Variants in CRNKL1 observed in about 807,000 individuals in gnomAD.
CRNKL1 encodes crooked neck-like protein 1.
CRNKL1 carries 35 observed loss-of-function variants against 103.7 expected under a neutral mutation model. The ratio of observed to expected loss-of-function variants is 0.34; its 90% CI spans 0.26 to 0.45. The LOEUF (loss-of-function observed/expected upper bound fraction) is 0.45, where lower values mean the gene tolerates loss of function less well. Ranked by LOEUF, CRNKL1 falls within the 20% of genes least tolerant of loss-of-function variation. CRNKL1 has a pLI of 1.00. For missense variants in CRNKL1, 645 were observed against 836.0 expected (o/e 0.77, Z 2.82); for synonymous variants, 267 against 282.6 (o/e 0.94, Z 0.55).
At chr20:20,052,541 GTCC>G, upstream of CRNKL1, 1 of 1,614,184 alleles carries the variant, frequency 6.2e-7, no homozygotes, top group Non-Finnish European at 8.5e-7. Flanking sequence ...CAGGCTGCGC[GTCC>G]TCCTTGCGGC....
In CRNKL1 at chr20:20,049,310, T is replaced by C. The variant is rs66621993; in HGVS notation, c.296+30A>G. 0.075 allele frequency: 85,418 copies of C among 1,133,978 alleles called. 10,212 individuals carry two copies. The highest frequency in any genetic ancestry group is 0.57 in the East Asian group (24,191 of 42,438). 70.2% of individuals were successfully genotyped at this position (1,133,978 alleles called of 1,614,324 possible). ...GTATCTGTTAATCTATGAATCATTA[T>C]ATACAAAACTACACTCTCAGTAATT... On this transcript the variant is annotated intron_variant, in intron 3 of 13. Coordinates refer to ENST00000536226, the MANE Select transcript of CRNKL1 (RefSeq NM_001278628.2).
chr20:20,052,288 C>G lies in CRNKL1; in HGVS notation c.51+4G>C, dbSNP rs767820162. The G allele has an allele frequency of 6.2e-7, 1 of 1,607,006 alleles. No homozygotes were observed. Among genetic ancestry groups the G allele is most frequent in the South Asian group, 1.1e-5 (1 of 90,948 alleles). ...CTCCTACAAGGCCCCTCGCGATCGCCTACCTTGGCCACTTTGGGAATCCGC... is the reference window on the plus strand; with the variant it reads ...CTCCTACAAGGCCCCTCGCGATCGCGTACCTTGGCCACTTTGGGAATCCGC... On this transcript the variant is annotated splice_donor_region_variant and intron_variant, in intron 1 of 13. Coordinates refer to ENST00000536226, the MANE Select transcript of CRNKL1 (RefSeq NM_001278628.2).
intron 6 of CRNKL1, among the ~76,000 whole-genome samples, 185 bp downstream of exon 6, chr20:20,045,123 A>T (rs990925325): frequency 6.6e-6 from 1 of 152,170 alleles, no homozygotes; most frequent in Admixed American, 6.5e-5. Context: ...TACAATCTAT[A>T]ATCAGCTCCC....
chr20:20,053,031 C>T (rs1468374099), upstream of CRNKL1, among the ~76,000 whole-genome samples: 1 of 152,200 alleles, frequency 6.6e-6, no homozygotes, highest in East Asian at 1.9e-4. Flanking sequence ...TGGAAAACAA[C>T]TCAGTCTTGT....
At chr20:20,049,208 A>G in intron 3 of CRNKL1, 132 bp downstream of exon 3, 1 of 585,732 alleles carries the variant, frequency 1.7e-6, no homozygotes, top group Non-Finnish European at 3.0e-6. Context: ...CTAGGGTTCC[A>G]TGGAACCAAA....
At chr20:20,051,764 A>T (rs2043745445) in intron 1 of CRNKL1, among the ~76,000 whole-genome samples, 1 of 152,182 alleles carries the variant, frequency 6.6e-6, no homozygotes, top group Non-Finnish European at 1.5e-5. Context: ...TAATTAACTT[A>T]TGATACTATA....
chr20:20,049,822 C>CT lies in CRNKL1; in HGVS notation c.205-392dup, dbSNP rs548948697. On this transcript the variant is annotated intron_variant, in intron 2 of 13. Transcript: ENST00000536226. ...TTCCTTTTCCTTTCTTTCTTTCTTT[C>CT]TTTTTTTTTTTTTGAGACAAAGTCT... Among the ~76,000 whole-genome samples, 507 of 144,724 alleles carry CT rather than the reference C, an allele frequency of 3.5e-3. 1 individual carries two copies. The highest frequency in any genetic ancestry group is 0.011 in the South Asian group (52 of 4,554). The allele number at this position is 144,724 out of a possible 152,430, so 94.9% of individuals were successfully genotyped here. A position where few individuals can be genotyped will look rare whatever the true frequency, so the allele number is the denominator to read the frequency against.
intron 1 of CRNKL1, among the ~76,000 whole-genome samples, chr20:20,052,023 C>CCCA (rs2043759779): frequency 6.6e-6 from 1 of 152,212 alleles, no homozygotes; most frequent in Non-Finnish European, 1.5e-5. Context: ...CTTCCCAGCG[C>CCCA]CCAGTGCAGT....
At chr20:20,054,828 T>C (rs1316538046), upstream of CRNKL1, among the ~76,000 whole-genome samples, 1 of 152,248 alleles carries the variant, frequency 6.6e-6, no homozygotes, top group Non-Finnish European at 1.5e-5. Context: ...TAGGGTTTTG[T>C]AGTTTTACTA....
At chr20:20,043,724 G>C in intron 6 of CRNKL1, 62 bp from the exon 7 acceptor site, 1 of 1,473,866 alleles carries the variant, frequency 6.8e-7, no homozygotes. Context: ...TCACAACTAG[G>C]AGAGTAAATA....
chr20:20,038,085 C>CAA (rs1299315257), intron 12 of CRNKL1, among the ~76,000 whole-genome samples: 3 of 125,150 alleles, frequency 2.4e-5, no homozygotes, highest in African/African-American at 5.9e-5. Context: ...GACTCCGTCT[C>CAA]AAAAAAAAAA....
chr20:20,037,607 T>C, intron 12 of CRNKL1, 36 bp from the exon 13 acceptor site: 1 of 1,594,918 alleles, frequency 6.3e-7, no homozygotes, highest in Non-Finnish European at 8.5e-7. Context: ...AAATTAACCA[T>C]ATCACTCAGA....
chr20:20,041,632 T>C lies in CRNKL1; in HGVS notation c.1165-7A>G, dbSNP rs1463153379. ...GTCTTGTCCTCTCAGGATCCTGTAT[T>C]AGGATAAGAAATTTTCACAAAATAT... On this transcript the variant is annotated splice_region_variant and splice_polypyrimidine_tract_variant and intron_variant, in intron 8 of 13. Coordinates refer to ENST00000536226, the MANE Select transcript of CRNKL1 (RefSeq NM_001278628.2). 2 of 1,607,850 alleles carry C rather than the reference T, an allele frequency of 1.2e-6. No individual in the cohort carries two copies. The highest frequency in any genetic ancestry group is 1.3e-5 in the African/African-American group (1 of 74,796).
At position 20,040,734 on chromosome 20, in the gene CRNKL1, T is replaced by C; in HGVS notation, c.1257A>G (p.Ala419=). ...FTFAKMWILY[A]QFEIRQKNLS... The stretch of plus-strand genomic sequence containing the variant: ...GATTCTTCTGTCGTATTTCAAACTG[T>C]GCATACAGTATCCACATTTTGGCAA... Residue 419 remains alanine, a synonymous_variant, in exon 10 of 14, where the codon GCA becomes GCG. Coordinates refer to ENST00000536226, the MANE Select transcript of CRNKL1 (RefSeq NM_001278628.2). The C allele has an allele frequency of 6.2e-7, 1 of 1,611,920 alleles. No homozygotes were observed. Among genetic ancestry groups the C allele is most frequent in the Non-Finnish European group, 8.5e-7 (1 of 1,179,758 alleles).
intron 13 of CRNKL1, among the ~76,000 whole-genome samples, 186 bp from the exon 14 acceptor site, chr20:20,036,548 G>GT: frequency 6.6e-6 from 1 of 152,326 alleles, no homozygotes; most frequent in African/African-American, 2.4e-5. Flanking sequence ...CTGTAGCTCA[G>GT]TGAGAACTAA....
chr20:20,045,499 T>A lies in CRNKL1; in HGVS notation c.623-13A>T, dbSNP rs2043579908. On this transcript the variant is annotated splice_polypyrimidine_tract_variant and intron_variant, in intron 5 of 13. Coordinates refer to ENST00000536226, the MANE Select transcript of CRNKL1 (RefSeq NM_001278628.2). ...TGCACGAGGACAAGTGCAAGGGAAT[T>A]AAGGAAATCCCAGGCAAAACAGCAT... 6.3e-7 allele frequency: 1 copy of A among 1,580,546 alleles called. No individual in the cohort carries two copies. Among genetic ancestry groups the A allele is most frequent in the African/African-American group, 1.4e-5 (1 of 73,216 alleles).
At chr20:20,037,816 C>T (rs6112726) in intron 12 of CRNKL1, among the ~76,000 whole-genome samples, 279 of 152,264 alleles carry the variant, frequency 1.8e-3, no homozygotes, top group African/African-American at 6.5e-3. Context: ...TGGCTGGGTG[C>T]AGTGGCTCAC....
At chr20:20,045,884 T>G (rs954633314) in intron 5 of CRNKL1, among the ~76,000 whole-genome samples, 3 of 151,990 alleles carry the variant, frequency 2.0e-5, no homozygotes, top group Non-Finnish European at 4.4e-5. Flanking sequence ...AATGAGAAAA[T>G]GTATGTAAAG....
upstream of CRNKL1, chr20:20,056,008 C>T (rs1351158586): frequency 6.2e-7 from 1 of 1,607,066 alleles, no homozygotes; most frequent in Non-Finnish European, 8.5e-7. Flanking sequence ...TCCACTGTTG[C>T]CGTCATTAGA....
Sources: allele counts gnomAD v4.1 joint callset (sites outside exome capture counted in the v4.1 genomes callset), GRCh38; gene constraint gnomAD v4.1.1; transcripts MANE v1.5; gene names NCBI Gene and HGNC (gene_info 2026-07-23, HGNC 2026-07-21).